The following TLE6 variants were observed in gnomAD, a reference collection of about 807,000 sequenced individuals.
TLE6 encodes transducin-like enhancer protein 6.
Under a neutral mutation model 77.1 loss-of-function variants are expected in TLE6, and 72 were observed. The observed-to-expected ratio is 0.93, with a 90% confidence interval of 0.77 to 1.14. The LOEUF is 1.14. Among genes scored for constraint, TLE6 ranks in the 50% most tolerant of loss-of-function variants. The pLI is 0.00. For missense variants in TLE6, 843 were observed against 747.6 expected (o/e 1.13, Z -1.49); for synonymous variants, 366 against 287.3 (o/e 1.27, Z -2.77).
chr19:2,993,638 G>C, intron 15 of TLE6, 56 bp downstream of exon 15: 1 of 1,513,014 alleles, frequency 6.6e-7, no homozygotes, highest in Non-Finnish European at 8.9e-7. Context: ...CCTCCCACAA[G>C]ACCCCACCTA....
Position 2,994,093 on chromosome 19 carries a change from G to C in TLE6, c.1612G>C (p.Glu538Gln), listed in dbSNP as rs752045340. 44 of 1,573,450 alleles carry C rather than the reference G, an allele frequency of 2.8e-5. No individual in the cohort carries two copies. The highest frequency in any genetic ancestry group is 3.5e-5 in the Non-Finnish European group (41 of 1,162,908). Residue 538 changes from glutamate (E) to glutamine (Q), a missense_variant and splice_region_variant, in exon 16 of 17, where the codon GAG becomes CAG. Glu to Gln is a conservative substitution (Grantham distance 29). Transcript: ENST00000246112. ...YSMPAGTKVFEVPEMSPVTCC... is the reference protein window; with the variant it reads ...YSMPAGTKVFQVPEMSPVTCC... ...CATGCCGGCGGGGACAAAAGTGTTC[G>C]AGGTACTGCGGTGGGCTGGGGGCAG...
Position 2,985,037 on chromosome 19 carries a change from C to T in TLE6, c.223-1792C>T, listed in dbSNP as rs567616420. Among the ~76,000 whole-genome samples, 207 of 151,274 alleles carry T rather than the reference C, an allele frequency of 1.4e-3. 1 individual carries two copies. Among genetic ancestry groups the T allele is most frequent in the African/African-American group, 4.4e-3 (181 of 41,274 alleles). On this transcript the variant is annotated intron_variant, in intron 5 of 16. Transcript: ENST00000246112. ...AGGCTGAGGTGGGCAGATCACCTGA[C>T]GTCAGGAGTTCGAGACCAGCCTGGC... is the stretch of plus-strand genomic sequence containing the variant.
intron 16 of TLE6, among the ~76,000 whole-genome samples, chr19:2,994,682 C>T (rs147821671): frequency 0.033 from 5,023 of 150,776 alleles, 275 homozygotes; most frequent in African/African-American, 0.11. Flanking sequence ...TGCACACCTG[C>T]GGTCCCAGCT....
At chr19:2,982,262 G>A in intron 5 of TLE6, 73 bp downstream of exon 5, 2 of 1,504,860 alleles carry the variant, frequency 1.3e-6, no homozygotes, top group South Asian at 1.2e-5. Flanking sequence ...GGGGGGCCGG[G>A]CACAGTGGCT....
intron 10 of TLE6, 39 bp from the exon 11 acceptor site, chr19:2,988,052 G>A (rs1251619663): frequency 1.0e-5 from 16 of 1,556,566 alleles, no homozygotes; most frequent in Admixed American, 1.9e-5. Context: ...ACAGATGTGC[G>A]GGGAGGCTGG....
chr19:2,992,793 A>AAAC (rs1487334518), intron 14 of TLE6, among the ~76,000 whole-genome samples: 9 of 19,754 alleles, frequency 4.6e-4, no homozygotes, highest in Admixed American at 8.2e-4. Flanking sequence ...AAAAAAAAAA[A>AAAC]GGGGGGGAGG....
intron 14 of TLE6, among the ~76,000 whole-genome samples, chr19:2,993,150 T>C (rs72986875): frequency 0.05 from 7,534 of 149,890 alleles, 287 homozygotes; most frequent in Non-Finnish European, 0.076. Flanking sequence ...AGGCAGACGT[T>C]GTCGTAAGCC....
intron 3 of TLE6, 106 bp from the exon 4 acceptor site, chr19:2,981,432 C>T: frequency 1.6e-6 from 2 of 1,263,380 alleles, no homozygotes; most frequent in Admixed American, 4.3e-5. Context: ...GGAGCCAGTG[C>T]CTTCCAGCTT....
chr19:2,987,508 C>A (rs1260428468), intron 8 of TLE6, 136 bp downstream of exon 8: 15 of 1,330,892 alleles, frequency 1.1e-5, no homozygotes, highest in Non-Finnish European at 1.6e-5. Flanking sequence ...CCGGGGGGGA[C>A]TTGGGTGATC....
chr19:2,981,424 A>G (rs1416663133), intron 3 of TLE6, 114 bp from the exon 4 acceptor site: 7 of 1,134,850 alleles, frequency 6.2e-6, no homozygotes, highest in Non-Finnish European at 8.9e-6. Flanking sequence ...TGGCTTCTGG[A>G]GCCAGTGCCT....
At chr19:2,992,846 G>C (rs2145068984) in intron 14 of TLE6, among the ~76,000 whole-genome samples, 1 of 133,718 alleles carries the variant, frequency 7.5e-6, no homozygotes, top group East Asian at 2.1e-4. Flanking sequence ...AGGAAAAAAG[G>C]TAGTGGTTCT....
intron 4 of TLE6, 131 bp from the exon 5 acceptor site, chr19:2,982,017 G>C (rs1246422659): frequency 3.5e-6 from 3 of 869,488 alleles, no homozygotes; most frequent in Non-Finnish European, 5.5e-6. Context: ...GAAAGTAAAA[G>C]AGAAAACAAG....
chr19:2,990,569 CG>C (rs1568217048), intron 13 of TLE6, among the ~76,000 whole-genome samples: 2 of 149,114 alleles, frequency 1.3e-5, no homozygotes, highest in African/African-American at 4.9e-5. Context: ...TGTGCCACTG[CG>C]TTCCCAGCCT....
intron 5 of TLE6, chr19:2,984,414 C>G (rs915109926): frequency 1.3e-5 from 2 of 148,824 alleles, no homozygotes; most frequent in African/African-American, 2.5e-5. Flanking sequence ...GCTAAGGAAA[C>G]AGACAGGTAG....
chr19:2,993,275 A>T (rs67743657), intron 14 of TLE6, among the ~76,000 whole-genome samples, 157 bp from the exon 15 acceptor site: 10,772 of 152,218 alleles, frequency 0.071, 457 homozygotes, highest in South Asian at 0.1. Context: ...CACACCAACA[A>T]ACTGAGGCAC....
intron 5 of TLE6, among the ~76,000 whole-genome samples, chr19:2,983,723 A>G (rs901490374): frequency 6.6e-6 from 1 of 152,008 alleles, no homozygotes; most frequent in African/African-American, 2.4e-5. Flanking sequence ...AGGGCTTCAG[A>G]CAGAGGGCAG....
intron 11 of TLE6, among the ~76,000 whole-genome samples, chr19:2,988,542 G>T (rs1044897401): frequency 6.6e-6 from 1 of 152,072 alleles, no homozygotes; most frequent in South Asian, 2.1e-4. Context: ...AGGTTGCAGT[G>T]AGTTGAGATC....
chr19:2,982,322 G>A (rs1188374877), intron 5 of TLE6, 133 bp downstream of exon 5: 2 of 938,190 alleles, frequency 2.1e-6, no homozygotes, highest in Admixed American at 4.5e-5. Flanking sequence ...TGGATCACTT[G>A]AGGTCAGGAG....
At position 2,993,520 on chromosome 19, in the gene TLE6, G is replaced by A. The variant is rs757026461; in HGVS notation, c.1475G>A (p.Ser492Asn). The change falls in exon 15 of 17, where the codon AGC becomes AAC. Residue 492 changes from serine to asparagine, a missense_variant. Physicochemically the swap from Ser to Asn is conservative, Grantham distance 46. Transcript: ENST00000246112. The part of the protein sequence containing the change: ...GQQWLQSTSG[S>N]QRHMVGQKDS... ...CAGTGGCTGCAAAGCACCAGCGGGA[G>A]CCAGCGGCACATGGTGGGGCAAAAA... The A allele has an allele frequency of 3.1e-6, 5 of 1,593,374 alleles. No homozygotes were observed. The highest frequency in any genetic ancestry group is 1.7e-4 in the Middle Eastern group (1 of 5,998).
Sources: gnomAD v4.1 joint callset for allele counts (sites outside exome capture counted in the v4.1 genomes callset) on GRCh38, gnomAD v4.1.1 for gene constraint, MANE v1.5 for transcripts, NCBI Gene and HGNC (gene_info 2026-07-23, HGNC 2026-07-21) for gene names.